The following RPL12 variants were observed in gnomAD, a reference collection of about 807,000 sequenced individuals.
RPL12 encodes large ribosomal subunit protein uL11.
RPL12 carries 10 observed loss-of-function variants against 24.5 expected under a neutral mutation model. The ratio of observed to expected loss-of-function variants is 0.41; its 90% CI spans 0.25 to 0.69. The LOEUF (loss-of-function observed/expected upper bound fraction) is 0.69. Among genes scored for constraint, RPL12 ranks in the 30% least tolerant of loss-of-function variants. The pLI is 0.33. For synonymous variants in RPL12, 74 were observed against 76.1 expected (o/e 0.97, Z 0.14); for missense variants, 137 against 205.3 (o/e 0.67, Z 2.03).
Position 127,451,405 on chromosome 9 carries a change from G to C in RPL12, c.-88C>G. 6.4e-7 allele frequency: 1 copy of C among 1,561,908 alleles called. No homozygotes were observed. Among genetic ancestry groups the C allele is most frequent in the African/African-American group, 1.4e-5 (1 of 73,862 alleles). ...GCCTCCTCCGAGCCGAAAGCCGAGA[G>C]GCCGGAAATCGCGCGGACAAGCCAG... is the stretch of plus-strand genomic sequence containing the variant. On this transcript the variant is annotated 5_prime_UTR_variant, in exon 1 of 7. Coordinates refer to ENST00000361436, the MANE Select transcript of RPL12 (RefSeq NM_000976.4).
At chr9:127,448,773 T>G in intron 4 of RPL12, 1 of 419,484 alleles carries the variant, frequency 2.4e-6, no homozygotes, top group African/African-American at 2.0e-5. Context: ...TCATTATTGC[T>G]GACATCTTCC....
At chr9:127,450,953 T>G in intron 1 of RPL12, 149 bp from the exon 2 acceptor site, 2 of 690,132 alleles carry the variant, frequency 2.9e-6, no homozygotes, top group Non-Finnish European at 4.9e-6. Flanking sequence ...CCCTCGGGTG[T>G]GGGCAGCTCC....
chr9:127,449,862 T>G, intron 2 of RPL12, 154 bp from the exon 3 acceptor site: 1 of 638,982 alleles, frequency 1.6e-6, no homozygotes, highest in Non-Finnish European at 2.8e-6. Context: ...TAGCATAAAT[T>G]GGGGGTTGGG....
chr9:127,451,075 G>A, intron 1 of RPL12: 2 of 714,412 alleles, frequency 2.8e-6, no homozygotes, highest in Non-Finnish European at 2.3e-6. Context: ...CTCCCAAGCC[G>A]CCACAGGTGG....
intron 4 of RPL12, chr9:127,448,765 A>T: frequency 2.3e-6 from 1 of 426,660 alleles, no homozygotes; most frequent in Non-Finnish European, 4.5e-6. Context: ...ATTATAGGTC[A>T]TTATTGCTGA....
At position 127,447,705 on chromosome 9, in the gene RPL12, A is replaced by ATGTT. The variant is rs758596087; in HGVS notation, c.*12_*15dup. The ATGTT allele has an allele frequency of 6.2e-7, 1 of 1,613,300 alleles. No individual in the cohort carries two copies. ...AGTTGTCAAATGATCCTTTATTGAAATGTTTTCCTTTGTGCTTAACTCTGT... is the reference window on the plus strand; with the variant it reads ...AGTTGTCAAATGATCCTTTATTGAAATGTTTGTTTTCCTTTGTGCTTAACTCTGT... On this transcript the variant is annotated 3_prime_UTR_variant, in exon 7 of 7. Transcript: ENST00000361436.
In RPL12 at chr9:127,449,651, T is replaced by G. The variant is rs773872698; in HGVS notation, c.169A>C (p.Arg57=). Residue 57 remains arginine, a synonymous_variant, in exon 3 of 7, where the codon AGG becomes CGG. Coordinates refer to ENST00000361436, the MANE Select transcript of RPL12 (RefSeq NM_000976.4). Reference sequence around the variant, plus strand: ...TGAATGGTCAGTTTCACTGTAATCCTCAGGCCCTTCCAGTCACCCGTTGCC... The same window carrying G: ...TGAATGGTCAGTTTCACTGTAATCCGCAGGCCCTTCCAGTCACCCGTTGCC... ...AKATGDWKGL[R]ITVKLTIQNR... The G allele has an allele frequency of 3.1e-6, 5 of 1,614,038 alleles. No homozygotes were observed. In the African/African-American group the frequency reaches 6.7e-5, roughly 22 times the overall value.
rs561192837 is a variant in RPL12, at chr9:127,448,008, T to G, written c.380-19A>C. ...ATGGTTCCTTTAAGTAAAGAAATGG[T>G]GGCATTGGAGGTGCTGGCTCAGTCC... On this transcript the variant is annotated intron_variant, in intron 5 of 6. Transcript: ENST00000361436. 8.8e-6 allele frequency: 14 copies of G among 1,592,714 alleles called. No homozygotes were observed. The highest frequency in any genetic ancestry group is 7.1e-5 in the Admixed American group (4 of 56,286).
intron 4 of RPL12, among the ~76,000 whole-genome samples, chr9:127,448,854 G>A (rs533522040): frequency 1.4e-5 from 2 of 145,940 alleles, no homozygotes; most frequent in Non-Finnish European, 3.0e-5. Flanking sequence ...TTTTTGAGAC[G>A]GAGTCTCACT....
intron 1 of RPL12, 86 bp from the exon 2 acceptor site, chr9:127,450,890 C>T: frequency 9.8e-7 from 1 of 1,018,620 alleles, no homozygotes; most frequent in Admixed American, 2.4e-5. Context: ...GGACACGCCA[C>T]CCTCTGCCTC....
chr9:127,448,303 C>CGGTT, intron 5 of RPL12, 34 bp downstream of exon 5: 4 of 1,506,372 alleles, frequency 2.7e-6, no homozygotes, highest in Non-Finnish European at 3.7e-6. Context: ...AACACAACTA[C>CGGTT]AGTTATGGCG....
chr9:127,449,471 G>T, intron 3 of RPL12, 109 bp from the exon 4 acceptor site: 1 of 1,310,816 alleles, frequency 7.6e-7, no homozygotes, highest in Non-Finnish European at 1.1e-6. Flanking sequence ...CCCTAGGTCC[G>T]TACTCTTGAC....
intron 3 of RPL12, 91 bp downstream of exon 3, chr9:127,449,518 AC>A (rs1248355205): frequency 3.0e-6 from 4 of 1,348,704 alleles, no homozygotes; most frequent in African/African-American, 1.4e-5. Flanking sequence ...CTCTCGGCTC[AC>A]CACTGGTGGC....
chr9:127,451,339 A>T lies in RPL12; in HGVS notation c.-22T>A. ...GCATGGTGGAGGCGGCTGGTGTCGG[A>T]TGAACCCGGATTCGGGACGACCGAA... On this transcript the variant is annotated 5_prime_UTR_variant, in exon 1 of 7. Coordinates refer to ENST00000361436, the MANE Select transcript of RPL12 (RefSeq NM_000976.4). The T allele has an allele frequency of 6.2e-7, 1 of 1,611,674 alleles. No homozygotes were observed. Among genetic ancestry groups the T allele is most frequent in the South Asian group, 1.1e-5 (1 of 91,008 alleles).
At position 127,448,360 on chromosome 9, in the gene RPL12, C is replaced by T. The variant is rs1834208644; in HGVS notation, c.356G>A (p.Arg119Gln). Reference sequence around the variant, plus strand: ...ACCAGAGAGTTCTCTGGCTAAGGATCGGTGCCGCATCTGTCGAGCAATGTT... The same window carrying T: ...ACCAGAGAGTTCTCTGGCTAAGGATTGGTGCCGCATCTGTCGAGCAATGTT... The part of the protein sequence containing the change: ...IVNIARQMRH[R>Q]SLARELSGTI... Residue 119 changes from arginine to glutamine, a missense_variant, in exon 5 of 7, where the codon CGA (arginine) becomes CAA (glutamine). This residue lies in a region of RPL12 where 118 missense variants were observed against 160.7 expected (regional missense o/e 0.73). Transcript: ENST00000361436. 1.2e-6 allele frequency: 2 copies of T among 1,613,568 alleles called. No homozygotes were observed. Among genetic ancestry groups the T allele is most frequent in the South Asian group, 1.1e-5 (1 of 91,060 alleles).
chr9:127,450,606 G>A (rs1301266136), intron 2 of RPL12, 125 bp downstream of exon 2: 9 of 662,564 alleles, frequency 1.4e-5, no homozygotes, highest in Non-Finnish European at 2.0e-5. Context: ...TTGTTCAGTG[G>A]CTCAGGCCTA....
At chr9:127,448,303 C>T (rs1834207518) in intron 5 of RPL12, 34 bp downstream of exon 5, 1 of 1,506,372 alleles carries the variant, frequency 6.6e-7, no homozygotes, top group Non-Finnish European at 9.2e-7. Context: ...AACACAACTA[C>T]AGTTATGGCG....
Position 127,451,354 on chromosome 9 carries a change from G to C in RPL12, c.-37C>G. On this transcript the variant is annotated 5_prime_UTR_variant, in exon 1 of 7. Transcript: ENST00000361436. Reference sequence around the variant, plus strand: ...CTGGTGTCGGATGAACCCGGATTCGGGACGACCGAAGGAAGTTGCACCTTG... The same window carrying C: ...CTGGTGTCGGATGAACCCGGATTCGCGACGACCGAAGGAAGTTGCACCTTG... 2 of 1,610,958 alleles carry C rather than the reference G, an allele frequency of 1.2e-6. No individual in the cohort carries two copies. Among genetic ancestry groups the C allele is most frequent in the Non-Finnish European group, 1.7e-6 (2 of 1,179,726 alleles).
chr9:127,448,197 A>G lies in RPL12; in HGVS notation c.379+140T>C, dbSNP rs1834205870. On this transcript the variant is annotated intron_variant, in intron 5 of 6. Coordinates refer to ENST00000361436, the MANE Select transcript of RPL12 (RefSeq NM_000976.4). ...TTGATGCCCAGATTAAACACATCCA[A>G]TTTACGATCCATCCTTTCAGTCCCA... The G allele has an allele frequency of 4.1e-6, 4 of 973,130 alleles. No homozygotes were observed. In the South Asian group the frequency reaches 4.5e-5, roughly 11 times the overall value. 60.3% of individuals were successfully genotyped at this position (973,130 alleles called of 1,614,324 possible).
Sources: gnomAD v4.1 joint callset for allele counts (sites outside exome capture counted in the v4.1 genomes callset) on GRCh38, gnomAD v4.1.1 for gene constraint, gnomAD v4.1.1 regional missense constraint, MANE v1.5 for transcripts, NCBI Gene and HGNC (gene_info 2026-07-23, HGNC 2026-07-21) for gene names.